Variants in WDR7 observed in about 807,000 individuals in gnomAD.
WDR7 encodes the protein WD repeat-containing protein 7.
Under a neutral mutation model 169.4 loss-of-function variants are expected in WDR7, and 46 were observed. The ratio of observed to expected loss-of-function variants is 0.27; its 90% CI spans 0.21 to 0.35. The LOEUF (loss-of-function observed/expected upper bound fraction) is 0.35. Ranked by LOEUF, WDR7 falls within the 10% of genes least tolerant of loss-of-function variation. The pLI, the probability that WDR7 is intolerant of heterozygous loss-of-function variation, is 1.00. For missense variants in WDR7, 1,534 were observed against 1,859.3 expected (o/e 0.83, Z 3.22); for synonymous variants, 612 against 666.8 (o/e 0.92, Z 1.27).
intron 2 of WDR7, among the ~76,000 whole-genome samples, chr18:56,677,592 C>T (rs1369465427): frequency 6.6e-6 from 1 of 152,164 alleles, no homozygotes; most frequent in East Asian, 1.9e-4. Flanking sequence ...TCAAGTGATT[C>T]ACCCACCTCG....
At chr18:56,949,200 G>C (rs138015225) in intron 25 of WDR7, among the ~76,000 whole-genome samples, 1 of 151,628 alleles carries the variant, frequency 6.6e-6, no homozygotes. Context: ...ATGCTTTTCA[G>C]TCTTTAAAGT....
chr18:56,916,836 G>T (rs2046634301), intron 21 of WDR7, among the ~76,000 whole-genome samples: 1 of 152,164 alleles, frequency 6.6e-6, no homozygotes, highest in South Asian at 2.1e-4. Context: ...GCCCGAGGCA[G>T]GTAGATCATG....
chr18:56,853,381 C>T (rs1448159447), intron 20 of WDR7, among the ~76,000 whole-genome samples: 1 of 152,136 alleles, frequency 6.6e-6, no homozygotes, highest in Non-Finnish European at 1.5e-5. Flanking sequence ...AGACTGTGTG[C>T]AGTATATACA....
chr18:56,768,460 T>C (rs1278500952), intron 16 of WDR7, among the ~76,000 whole-genome samples: 1 of 152,204 alleles, frequency 6.6e-6, no homozygotes, highest in Non-Finnish European at 1.5e-5. Context: ...TTCTCAAAAA[T>C]ATTAAGTTAT....
At chr18:56,869,738 T>C (rs1412139548) in intron 20 of WDR7, among the ~76,000 whole-genome samples, 1 of 152,180 alleles carries the variant, frequency 6.6e-6, no homozygotes, top group African/African-American at 2.4e-5. Context: ...AACTTTATTT[T>C]ATTTACTTTA....
chr18:56,760,512 G>T lies in WDR7; in HGVS notation c.2848+1559G>T, dbSNP rs144305582. On this transcript the variant is annotated intron_variant, in intron 16 of 27. Transcript: ENST00000254442. ...GTGTTGTTGCATTTGACCATAGTTT[G>T]TCCATTTTCATTGCTGTGTAGTATT... 1.2e-3 allele frequency among the ~76,000 whole-genome samples: 177 copies of T among 152,170 alleles called. 1 individual carries two copies. Among genetic ancestry groups the T allele is most frequent in the East Asian group, 8.9e-3 (46 of 5,186 alleles).
At chr18:56,897,433 GA>G (rs1178169600) in intron 21 of WDR7, among the ~76,000 whole-genome samples, 2 of 151,836 alleles carry the variant, frequency 1.3e-5, no homozygotes, top group Non-Finnish European at 2.9e-5. Flanking sequence ...GAACTTTTAT[GA>G]AGTTCAAAAC....
chr18:56,973,248 T>C (rs75636106), intron 26 of WDR7, among the ~76,000 whole-genome samples: 5,070 of 152,304 alleles, frequency 0.033, 301 homozygotes, highest in African/African-American at 0.12. Context: ...AAAAAATAAA[T>C]TATATCCTTC....
In WDR7 at chr18:56,788,970, G is replaced by A. The variant is rs535433283; in HGVS notation, c.3190+7314G>A. Among the ~76,000 whole-genome samples the A allele has an allele frequency of 8.8e-4, 134 of 152,322 alleles. 1 individual carries two copies. The highest frequency in any genetic ancestry group is 6.0e-3 in the South Asian group (29 of 4,826). On this transcript the variant is annotated intron_variant, in intron 19 of 27. Transcript: ENST00000254442. ...ATATTATGCAAAGCACACTGTATCC[G>A]TAGTGTATCTGTTTGCAGTGTTTCA...
intron 2 of WDR7, among the ~76,000 whole-genome samples, chr18:56,676,147 T>C (rs539673501): frequency 1.7e-4 from 26 of 152,362 alleles, no homozygotes; most frequent in South Asian, 4.1e-4. Flanking sequence ...TCTCTTCTTA[T>C]AGTTTTTGTC....
At chr18:56,792,614 T>TG (rs1445473107) in intron 19 of WDR7, among the ~76,000 whole-genome samples, 4 of 127,790 alleles carry the variant, frequency 3.1e-5, no homozygotes, top group Non-Finnish European at 3.3e-5. Flanking sequence ...AAATCTTTGT[T>TG]TTTTTTTTTT....
chr18:56,859,880 C>G (rs1372478878), intron 20 of WDR7, among the ~76,000 whole-genome samples: 1 of 152,102 alleles, frequency 6.6e-6, no homozygotes, highest in Non-Finnish European at 1.5e-5. Flanking sequence ...TCCTGTGTTT[C>G]CCTTGGAAGT....
chr18:56,875,733 G>A (rs2046013267), intron 20 of WDR7, among the ~76,000 whole-genome samples: 1 of 152,118 alleles, frequency 6.6e-6, no homozygotes, highest in Non-Finnish European at 1.5e-5. Context: ...TGCCTGTTTA[G>A]TAGCCCTTAA....
At chr18:56,799,774 A>T (rs751277646) in intron 19 of WDR7, among the ~76,000 whole-genome samples, 2 of 152,176 alleles carry the variant, frequency 1.3e-5, no homozygotes, top group Non-Finnish European at 2.9e-5. Context: ...GTGGTTGCAA[A>T]ATCAAATATG....
At chr18:56,962,335 G>A (rs2047349136) in intron 25 of WDR7, 95 bp from the exon 26 acceptor site, 3 of 816,912 alleles carry the variant, frequency 3.7e-6, no homozygotes, top group South Asian at 1.6e-5. Context: ...ATCAGAGCTG[G>A]CTTTAACCTT....
chr18:56,939,450 A>T (rs1373698159), intron 25 of WDR7, 57 bp downstream of exon 25: 16 of 1,398,948 alleles, frequency 1.1e-5, no homozygotes, highest in Middle Eastern at 1.9e-4. Context: ...AAATAATTTT[A>T]AAAATTTTTG....
rs566503323 is a variant in WDR7, at chr18:56,793,384, T to G, written c.3190+11728T>G. Among the ~76,000 whole-genome samples the G allele has an allele frequency of 4.6e-5, 7 of 152,350 alleles. No homozygotes were observed. The South Asian group carries it at 1.5e-3, about 32-fold the overall frequency. On this transcript the variant is annotated intron_variant, in intron 19 of 27. Transcript: ENST00000254442. The stretch of plus-strand genomic sequence containing the variant: ...CTCTATAATCACTTGCCTGTTCAAC[T>G]TAATGAATTGCCTGTCGTTGGATGA...
chr18:56,742,843 CGTGCGGGGAGACAG>C (rs1256613996), intron 14 of WDR7, among the ~76,000 whole-genome samples: 1 of 152,020 alleles, frequency 6.6e-6, no homozygotes, highest in African/African-American at 2.4e-5. Flanking sequence ...GGAAATACCA[CGTGCGGGGAGACAG>C]GTGTGGTGGG....
chr18:57,030,118 C>G (rs975858659), downstream of WDR7: 36 of 152,212 alleles, frequency 2.4e-4, no homozygotes, highest in African/African-American at 8.2e-4. Flanking sequence ...TTGGCTGCCT[C>G]TCGGGAGCTA....
Sources: gnomAD v4.1 joint callset for allele counts (sites outside exome capture counted in the v4.1 genomes callset) on GRCh38, gnomAD v4.1.1 for gene constraint, MANE v1.5 for transcripts, NCBI Gene and HGNC (gene_info 2026-07-23, HGNC 2026-07-21) for gene names.